Variants in PGM2 observed in about 807,000 individuals in gnomAD.
PGM2 encodes phosphopentomutase.
Under a neutral mutation model 74.6 loss-of-function variants are expected in PGM2, and 57 were observed. That is an observed-to-expected ratio of 0.76 (90% CI 0.62 to 0.95). The LOEUF is 0.95. Among genes scored for constraint, PGM2 ranks in the 40% least tolerant of loss-of-function variants. The probability of loss-of-function intolerance (pLI) is 0.00; values close to 1 mark genes in which losing one functional copy is unlikely to be tolerated. For missense variants in PGM2, 706 were observed against 741.9 expected (o/e 0.95, Z 0.56); for synonymous variants, 273 against 260.7 (o/e 1.05, Z -0.46).
chr4:37,841,535 C>A (rs1725730456), intron 6 of PGM2, among the ~76,000 whole-genome samples: 1 of 152,162 alleles, frequency 6.6e-6, no homozygotes, highest in Admixed American at 6.5e-5. Flanking sequence ...CTGAAGGGAG[C>A]AGCCGTGCCA....
At chr4:37,830,169 TC>T in intron 2 of PGM2, 38 bp downstream of exon 2, 2 of 1,357,160 alleles carry the variant, frequency 1.5e-6, no homozygotes, top group Non-Finnish European at 2.0e-6. Flanking sequence ...ACTCAATGTA[TC>T]CCCTAGCTCA....
intron 1 of PGM2, among the ~76,000 whole-genome samples, chr4:37,828,298 T>A (rs1205255830): frequency 6.6e-6 from 1 of 152,120 alleles, no homozygotes; most frequent in East Asian, 1.9e-4. Flanking sequence ...TACACAGTGT[T>A]GCATCTGTGT....
At position 37,861,440 on chromosome 4, in the gene PGM2, T is replaced by TG. The variant is rs202162691; in HGVS notation, c.1737-64dup. 2,313 of 967,910 alleles carry TG rather than the reference T, an allele frequency of 2.4e-3. 19 individuals carry two copies. The highest frequency in any genetic ancestry group is 0.017 in the African/African-American group (1,051 of 62,766). 60.0% of individuals were successfully genotyped at this position (967,910 alleles called of 1,614,324 possible). ...TATATTTTCATTGTCACTTGGTCAA[T>TG]GGGGGGAGCATTTAAACTGTGCTTT... is the stretch of plus-strand genomic sequence containing the variant. On this transcript the variant is annotated intron_variant, in intron 13 of 13. Transcript: ENST00000381967.
intron 4 of PGM2, among the ~76,000 whole-genome samples, chr4:37,839,321 G>A (rs1428986676): frequency 2.6e-5 from 4 of 151,814 alleles, no homozygotes; most frequent in East Asian, 1.9e-4. Flanking sequence ...CACCATGTTG[G>A]CCAGGCTGGT....
intron 6 of PGM2, among the ~76,000 whole-genome samples, chr4:37,843,632 G>A (rs10000814): frequency 0.082 from 12,367 of 149,926 alleles, 969 homozygotes; most frequent in East Asian, 0.18. Context: ...TTCCTGAGAC[G>A]GAGTTTCGCT....
intron 13 of PGM2, 34 bp downstream of exon 13, chr4:37,855,775 C>G (rs1726177454): frequency 1.1e-5 from 17 of 1,557,070 alleles, no homozygotes; most frequent in Non-Finnish European, 1.5e-5. Context: ...GTGATTTTTA[C>G]TCCCCAGACT....
intron 2 of PGM2, among the ~76,000 whole-genome samples, chr4:37,831,690 T>C (rs1041075783): frequency 1.3e-5 from 2 of 152,176 alleles, no homozygotes; most frequent in Admixed American, 6.5e-5. Flanking sequence ...AATGTGCCAA[T>C]TGGAAGCTGT....
Position 37,861,590 on chromosome 4 carries a change from A to G in PGM2, c.1817A>G (p.Asn606Ser). The G allele has an allele frequency of 1.2e-6, 2 of 1,612,044 alleles. No individual in the cohort carries two copies. Among genetic ancestry groups the G allele is most frequent in the South Asian group, 1.1e-5 (1 of 91,028 alleles). The change falls in exon 14 of 14, where the codon AAT (asparagine) becomes AGT (serine). Residue 606 changes from asparagine to serine, a missense_variant. By Grantham distance (46) the Asn-to-Ser change is conservative. Transcript: ENST00000381967. ...EEHFFQPQKYNLQPKAD is the reference protein window; with the variant it reads ...EEHFFQPQKYSLQPKAD ...CATTTTTTCCAGCCACAGAAGTACA[A>G]TCTGCAGCCAAAAGCAGACTAAAAT...
intron 13 of PGM2, among the ~76,000 whole-genome samples, chr4:37,856,268 C>T (rs1450660076): frequency 6.6e-6 from 1 of 151,940 alleles, no homozygotes; most frequent in Non-Finnish European, 1.5e-5. Context: ...GCCTGTAGTC[C>T]CAGCTACTCG....
intron 12 of PGM2, among the ~76,000 whole-genome samples, chr4:37,855,194 T>C (rs1354889659): frequency 1.3e-5 from 2 of 152,152 alleles, no homozygotes; most frequent in Non-Finnish European, 2.9e-5. Flanking sequence ...TCCCCTCCCT[T>C]ATCCCCACCC....
chr4:37,846,795 T>C lies in PGM2; in HGVS notation c.1008-136T>C. The C allele has an allele frequency of 7.5e-6, 5 of 668,728 alleles. No individual in the cohort carries two copies. In the South Asian group the frequency reaches 1.0e-4, roughly 14 times the overall value. The allele number at this position is 668,728 out of a possible 1,614,324, so 41.4% of individuals were successfully genotyped here. ...ACATTTCTGACCAGTTATTTAAAGATGATGAATAACAAGAACAGCCTTGCA... is the reference window on the plus strand; with the variant it reads ...ACATTTCTGACCAGTTATTTAAAGACGATGAATAACAAGAACAGCCTTGCA... On this transcript the variant is annotated intron_variant, in intron 8 of 13. Coordinates refer to ENST00000381967, the MANE Select transcript of PGM2 (RefSeq NM_018290.4).
intron 3 of PGM2, 122 bp downstream of exon 3, chr4:37,834,846 A>T (rs1220374736): frequency 4.1e-6 from 2 of 483,812 alleles, no homozygotes; most frequent in Non-Finnish European, 7.5e-6. Context: ...TGTAAAAACA[A>T]TGGGTAAATT....
At position 37,846,242 on chromosome 4, in the gene PGM2, GAAAGGTA is replaced by G. The variant is rs143083504; in HGVS notation, c.1007+513_1007+519del. The stretch of plus-strand genomic sequence containing the variant: ...GAAGTAAGTACGTGGGGCTAAAGTT[GAAAGGTA>G]GGCAGGGCCCAAGCAATTTTGGGCG... On this transcript the variant is annotated intron_variant, in intron 8 of 13. Coordinates refer to ENST00000381967, the MANE Select transcript of PGM2 (RefSeq NM_018290.4). Among the ~76,000 whole-genome samples, 911 of 152,248 alleles carry G rather than the reference GAAAGGTA, an allele frequency of 6.0e-3. 6 individuals carry two copies. The highest frequency in any genetic ancestry group is 6.8e-3 in the Non-Finnish European group (460 of 68,020).
At position 37,850,339 on chromosome 4, in the gene PGM2, C is replaced by G. The variant is rs1726004937; in HGVS notation, c.1568C>G (p.Thr523Ser). ...ATTTCTGCCATTAGGGACCTTACAA[C>G]TGGCTATGATGATAGCCAACCTGAT... is the stretch of plus-strand genomic sequence containing the variant. The part of the protein sequence containing the change: ...FEISAIRDLT[T>S]GYDDSQPDKK... The change falls in exon 12 of 14, where the codon ACT becomes AGT. Residue 523 changes from threonine to serine, a missense_variant. Physicochemically the swap from Thr to Ser is moderately conservative, Grantham distance 58 (BLOSUM62 1). Coordinates refer to ENST00000381967, the MANE Select transcript of PGM2 (RefSeq NM_018290.4). 2.5e-6 allele frequency: 4 copies of G among 1,574,914 alleles called. No homozygotes were observed. Among genetic ancestry groups the G allele is most frequent in the Non-Finnish European group, 3.4e-6 (4 of 1,168,190 alleles).
chr4:37,847,311 G>A lies in PGM2; in HGVS notation c.1282+16G>A. On this transcript the variant is annotated intron_variant, in intron 10 of 13. Coordinates refer to ENST00000381967, the MANE Select transcript of PGM2 (RefSeq NM_018290.4). The stretch of plus-strand genomic sequence containing the variant: ...GAAGCTATTGGTAAGAAGTGATCAT[G>A]AACATTAAGGAATTGGCTGCAAGGC... 1 of 1,547,080 alleles carries A rather than the reference G, an allele frequency of 6.5e-7. No individual in the cohort carries two copies.
Position 37,830,144 on chromosome 4 carries a change from T to C in PGM2, c.249+13T>C. On this transcript the variant is annotated intron_variant, in intron 2 of 13. Coordinates refer to ENST00000381967, the MANE Select transcript of PGM2 (RefSeq NM_018290.4). ...CCAGACTACACAGGTACCATGTTTT[T>C]TATAATTCTTAGTAACTCAATGTAT... The C allele has an allele frequency of 6.6e-7, 1 of 1,507,028 alleles. No homozygotes were observed. 93.4% of individuals were successfully genotyped at this position (1,507,028 alleles called of 1,614,324 possible).
At position 37,850,272 on chromosome 4, in the gene PGM2, G is replaced by A. The variant is rs761504711; in HGVS notation, c.1501G>A (p.Asp501Asn). 8.8e-6 allele frequency: 14 copies of A among 1,585,606 alleles called. No individual in the cohort carries two copies. The highest frequency in any genetic ancestry group is 7.0e-5 in the South Asian group (6 of 85,722). Residue 501 changes from aspartate to asparagine, a missense_variant, in exon 12 of 14, where the codon GAT (aspartate) becomes AAT (asparagine). This residue lies in a region of PGM2 where 359 missense variants were observed against 371.1 expected (regional missense o/e 0.97). Coordinates refer to ENST00000381967, the MANE Select transcript of PGM2 (RefSeq NM_018290.4). ...ATTATTTGAAAACCTCAGAAACTAC[G>A]ATGGAAAAAATAATTATCCAAAAGC... ...KKLFENLRNYDGKNNYPKACG... is the reference protein window; with the variant it reads ...KKLFENLRNYNGKNNYPKACG...
At chr4:37,855,891 C>A in intron 13 of PGM2, 150 bp downstream of exon 13, 1 of 603,858 alleles carries the variant, frequency 1.7e-6, no homozygotes, top group Non-Finnish European at 2.7e-6. Context: ...TTGGTATTAA[C>A]AGTCAGTCTC....
At chr4:37,839,826 C>G (rs1725658510) in intron 4 of PGM2, 22 bp from the exon 5 acceptor site, 1 of 1,423,352 alleles carries the variant, frequency 7.0e-7, no homozygotes, top group Admixed American at 1.7e-5. Context: ...ACTGTTTGTT[C>G]TTGTTTCCTG....
Sources: allele counts gnomAD v4.1 joint callset (sites outside exome capture counted in the v4.1 genomes callset), GRCh38; gene constraint gnomAD v4.1.1; regional missense constraint gnomAD v4.1.1; transcripts MANE v1.5; gene names NCBI Gene and HGNC (gene_info 2026-07-23, HGNC 2026-07-21).